The following DIAPH3 variants were observed in gnomAD, a reference collection of about 807,000 sequenced individuals.
The protein encoded by DIAPH3 is protein diaphanous homolog 3.
Under a neutral mutation model 144.3 loss-of-function variants are expected in DIAPH3, and 117 were observed. The observed-to-expected ratio is 0.81, with a 90% CI of 0.70 to 0.95. The LOEUF is 0.95. Ranked by LOEUF, DIAPH3 falls within the 40% of genes least tolerant of loss-of-function variation. DIAPH3 has a pLI of 0.00. For missense variants in DIAPH3, 1,421 were observed against 1,412.7 expected (o/e 1.01, Z -0.09); for synonymous variants, 519 against 488.9 (o/e 1.06, Z -0.81).
At chr13:59,899,723 G>A (rs183786406) in intron 20 of DIAPH3, among the ~76,000 whole-genome samples, 2 of 152,308 alleles carry the variant, frequency 1.3e-5, no homozygotes, top group East Asian at 3.9e-4. Context: ...GTTAAGAATA[G>A]ACTGTGTTAA....
intron 12 of DIAPH3, among the ~76,000 whole-genome samples, chr13:59,989,255 A>AT (rs2051643679): frequency 6.6e-6 from 1 of 151,934 alleles, no homozygotes; most frequent in East Asian, 1.9e-4. Flanking sequence ...CACCAACAAG[A>AT]GTAAGTTTTA....
At chr13:60,054,438 T>G (rs2141261582) in intron 4 of DIAPH3, among the ~76,000 whole-genome samples, 1 of 152,048 alleles carries the variant, frequency 6.6e-6, no homozygotes, top group Non-Finnish European at 1.5e-5. Flanking sequence ...GATAAGAGAG[T>G]TAAATGCACT....
chr13:59,749,329 G>A (rs1357673290), intron 27 of DIAPH3, among the ~76,000 whole-genome samples: 3 of 150,266 alleles, frequency 2.0e-5, no homozygotes, highest in African/African-American at 7.3e-5. Flanking sequence ...GACCATCCTG[G>A]CTAACACAGT....
chr13:59,667,831 T>C (rs1470440544), intron 27 of DIAPH3, among the ~76,000 whole-genome samples: 14 of 152,226 alleles, frequency 9.2e-5, no homozygotes, highest in Admixed American at 9.2e-4. Flanking sequence ...GATGTTCCAT[T>C]GTCCCAATAG....
intron 17 of DIAPH3, among the ~76,000 whole-genome samples, chr13:59,963,996 G>A (rs1163879832): frequency 6.6e-6 from 1 of 152,196 alleles, no homozygotes; most frequent in Admixed American, 6.5e-5. Context: ...ACAAGGCAAA[G>A]AACTGCCTAA....
At chr13:60,118,209 A>T (rs745338332) in intron 2 of DIAPH3, among the ~76,000 whole-genome samples, 2 of 152,188 alleles carry the variant, frequency 1.3e-5, no homozygotes, top group Non-Finnish European at 2.9e-5. Flanking sequence ...AGTTTAAATA[A>T]AATTAATTAA....
intron 20 of DIAPH3, among the ~76,000 whole-genome samples, chr13:59,882,219 G>C (rs1052621568): frequency 6.6e-6 from 1 of 152,070 alleles, no homozygotes; most frequent in Non-Finnish European, 1.5e-5. Context: ...CTCTTGAGTG[G>C]CTGGGATTAC....
At chr13:60,140,995 T>C (rs1368808494) in intron 1 of DIAPH3, among the ~76,000 whole-genome samples, 3 of 152,180 alleles carry the variant, frequency 2.0e-5, no homozygotes, top group African/African-American at 7.2e-5. Flanking sequence ...TGTTGTCACC[T>C]GCTACAGACT....
intron 23 of DIAPH3, among the ~76,000 whole-genome samples, chr13:59,835,522 T>C (rs554982194): frequency 6.6e-6 from 1 of 151,638 alleles, no homozygotes; most frequent in South Asian, 2.1e-4. Context: ...CTTCAGAAAA[T>C]GAAAAGATTA....
chr13:60,154,225 A>C (rs1366344893), intron 1 of DIAPH3, among the ~76,000 whole-genome samples: 1 of 152,208 alleles, frequency 6.6e-6, no homozygotes, highest in African/African-American at 2.4e-5. Flanking sequence ...TAACAAAAAC[A>C]ACAATCCTAT....
chr13:59,893,811 G>C (rs2045943690), intron 20 of DIAPH3, among the ~76,000 whole-genome samples: 2 of 152,100 alleles, frequency 1.3e-5, no homozygotes, highest in South Asian at 4.2e-4. Flanking sequence ...CTAATTCCTT[G>C]CCTTAAGTTT....
intron 27 of DIAPH3, among the ~76,000 whole-genome samples, chr13:59,698,081 A>T (rs2033915729): frequency 1.3e-5 from 2 of 152,236 alleles, no homozygotes; most frequent in South Asian, 4.1e-4. Context: ...TAAAATGCAT[A>T]TGCCCAAATG....
chr13:60,112,159 G>C lies in DIAPH3; in HGVS notation c.241C>G (p.Pro81Ala), dbSNP rs748761079. 1 of 1,613,978 alleles carries C rather than the reference G, an allele frequency of 6.2e-7. No homozygotes were observed. Among genetic ancestry groups the C allele is most frequent in the Non-Finnish European group, 8.5e-7 (1 of 1,180,008 alleles). ...MLDKFASIRI[P>A]GSKKERPPLP... ...GGAGGTCTCTCTTTCTTGCTCCCTG[G>C]AATTCTTATGCTGGCAAATTTGTCC... Residue 81 changes from proline to alanine, a missense_variant, in exon 3 of 28, where the codon CCA (proline) becomes GCA (alanine). By Grantham distance (27) the Pro-to-Ala change is conservative. Transcript: ENST00000400324.
In DIAPH3 at chr13:59,974,266, A is replaced by C. The variant is rs577561692; in HGVS notation, c.1650+86T>G. ...ATATACAAGCAAAATTAAAGTTTAAACATTTTGATGCTATGAAGATATAAC... is the reference window on the plus strand; with the variant it reads ...ATATACAAGCAAAATTAAAGTTTAACCATTTTGATGCTATGAAGATATAAC... On this transcript the variant is annotated intron_variant, in intron 15 of 27. Transcript: ENST00000400324. 90 of 1,004,530 alleles carry C rather than the reference A, an allele frequency of 9.0e-5. 1 individual carries two copies. The South Asian group carries it at 1.0e-3, about 12-fold the overall frequency. The allele number at this position is 1,004,530 out of a possible 1,614,324, so 62.2% of individuals were successfully genotyped here.
chr13:60,007,072 G>A (rs905742790), intron 9 of DIAPH3, among the ~76,000 whole-genome samples: 4 of 149,806 alleles, frequency 2.7e-5, no homozygotes, highest in African/African-American at 9.8e-5. Flanking sequence ...TTTTTCTTGA[G>A]TCAGAGTCTC....
intron 13 of DIAPH3, among the ~76,000 whole-genome samples, chr13:59,983,044 G>C (rs959631110): frequency 6.7e-6 from 1 of 149,644 alleles, no homozygotes; most frequent in African/African-American, 2.5e-5. Context: ...TGAAGTTATA[G>C]GCTCACTTTA....
At chr13:59,723,575 T>C (rs1218303926) in intron 27 of DIAPH3, among the ~76,000 whole-genome samples, 5 of 152,052 alleles carry the variant, frequency 3.3e-5, no homozygotes, top group Non-Finnish European at 7.4e-5. Context: ...GTCTAAAGAT[T>C]CTTTGTTAAG....
intron 4 of DIAPH3, among the ~76,000 whole-genome samples, chr13:60,085,156 A>G (rs2057705350): frequency 6.6e-6 from 1 of 152,150 alleles, no homozygotes; most frequent in Admixed American, 6.6e-5. Flanking sequence ...TCCAAAAGAA[A>G]GCAGGTTCTT....
intron 20 of DIAPH3, 70 bp from the exon 21 acceptor site, chr13:59,879,538 T>C (rs1793123921): frequency 6.3e-7 from 1 of 1,595,022 alleles, no homozygotes; most frequent in Non-Finnish European, 8.6e-7. Context: ...CGACTGCAAG[T>C]AATCTGGGAT....
Sources: allele counts gnomAD v4.1 joint callset (sites outside exome capture counted in the v4.1 genomes callset), GRCh38; gene constraint gnomAD v4.1.1; transcripts MANE v1.5; gene names NCBI Gene and HGNC (gene_info 2026-07-23, HGNC 2026-07-21).